Variants in KAT6B observed in about 807,000 individuals in gnomAD.
The protein encoded by KAT6B is histone acetyltransferase KAT6B.
A neutral mutation model predicts 187.5 loss-of-function variants in KAT6B; 10 were observed. That is an observed-to-expected ratio of 0.05 (90% CI 0.03 to 0.09). The LOEUF (loss-of-function observed/expected upper bound fraction) is 0.09, where lower values mean the gene tolerates loss of function less well. Ranked by LOEUF, KAT6B falls within the 10% of genes least tolerant of loss-of-function variation. The pLI, the probability that KAT6B is intolerant of heterozygous loss-of-function variation, is 1.00. For missense variants in KAT6B, 1,952 were observed against 2,558.9 expected, an observed-to-expected ratio of 0.76 and a Z score of 5.12; for synonymous variants, 861 against 926.8, an observed-to-expected ratio of 0.93 and a Z score of 1.29.
At chr10:74,917,323 T>C (rs903096916) in intron 3 of KAT6B, among the ~76,000 whole-genome samples, 1 of 152,228 alleles carries the variant, frequency 6.6e-6, no homozygotes, top group African/African-American at 2.4e-5. Flanking sequence ...TTCACTGGTA[T>C]AATACCATTA....
intron 3 of KAT6B, among the ~76,000 whole-genome samples, chr10:74,868,847 C>T (rs1843719682): frequency 6.6e-6 from 1 of 152,148 alleles, no homozygotes; most frequent in Non-Finnish European, 1.5e-5. Context: ...AGCAGCCTCC[C>T]AGGGATGTTC....
chr10:74,863,770 T>A (rs1262906749), intron 3 of KAT6B, among the ~76,000 whole-genome samples: 1 of 152,250 alleles, frequency 6.6e-6, no homozygotes, highest in African/African-American at 2.4e-5. Flanking sequence ...TCCTTATTCC[T>A]ATGCCCTGCA....
At chr10:74,939,050 A>AACAC (rs112617639) in intron 3 of KAT6B, among the ~76,000 whole-genome samples, 11,301 of 145,692 alleles carry the variant, frequency 0.078, 566 homozygotes, top group South Asian at 0.25. Flanking sequence ...TTATTTTCTT[A>AACAC]ACACACACAC....
chr10:74,890,431 G>T (rs551457429), intron 3 of KAT6B, among the ~76,000 whole-genome samples: 204 of 152,098 alleles, frequency 1.3e-3, no homozygotes, highest in Non-Finnish European at 2.4e-3. Flanking sequence ...TTGAGGCTAG[G>T]AGTTTGAGAC....
At position 74,942,857 on chromosome 10, in the gene KAT6B, G is replaced by A. The variant is rs188395952; in HGVS notation, c.622-17113G>A. 6.9e-4 allele frequency among the ~76,000 whole-genome samples: 90 copies of A among 130,370 alleles called. No individual in the cohort carries two copies. In the Middle Eastern group the frequency reaches 0.013, roughly 19 times the overall value. 85.5% of individuals were successfully genotyped at this position (130,370 alleles called of 152,430 possible). On this transcript the variant is annotated intron_variant, in intron 3 of 17. Coordinates refer to ENST00000287239, the MANE Select transcript of KAT6B (RefSeq NM_012330.4). ...ACTTTCTTCCTAAGGTCAGAAATAA[G>A]ACAAGAATATCCCCCTTTCATCATT...
chr10:74,929,186 A>T (rs1183814967), intron 3 of KAT6B, among the ~76,000 whole-genome samples: 2 of 152,172 alleles, frequency 1.3e-5, no homozygotes, highest in African/African-American at 4.8e-5. Context: ...ATTTGAAAGT[A>T]ACTATTTATC....
In KAT6B at chr10:75,030,515, A is replaced by G; in HGVS notation, c.5691A>G (p.Gln1897=). 2 of 1,611,226 alleles carry G rather than the reference A, an allele frequency of 1.2e-6. No homozygotes were observed. Among genetic ancestry groups the G allele is most frequent in the Non-Finnish European group, 8.5e-7 (1 of 1,177,742 alleles). Residue 1897 remains glutamine, a synonymous_variant, in exon 18 of 18, where the codon CAA becomes CAG. Coordinates refer to ENST00000287239, the MANE Select transcript of KAT6B (RefSeq NM_012330.4). This position sits in a 1 kb window ranked among gnomAD's most constrained non-coding sequence, Gnocchi z 4.8. ...TGAATCTGCCGCCGCCTCTTTTGCA[A>G]CGGAACATGGCTGCATCAAATATTG... ...PPMNLPPPLL[Q]RNMAASNIGI... is the part of the protein sequence containing the mutation.
Position 74,884,729 on chromosome 10 carries a change from C to T in KAT6B, c.621+41251C>T, listed in dbSNP as rs560076915. Among the ~76,000 whole-genome samples, 53 of 151,994 alleles carry T rather than the reference C, an allele frequency of 3.5e-4. No homozygotes were observed. The East Asian group carries it at 5.6e-3, about 16-fold the overall frequency. On this transcript the variant is annotated intron_variant, in intron 3 of 17. Transcript: ENST00000287239. Reference sequence around the variant, plus strand: ...GATTACAGGTGCGGGCCACCATGCCCGGCTGATTTTTTGTATTTTTAGTAG... The same window carrying T: ...GATTACAGGTGCGGGCCACCATGCCTGGCTGATTTTTTGTATTTTTAGTAG...
At chr10:74,839,646 G>T (rs537064794) in intron 2 of KAT6B, among the ~76,000 whole-genome samples, 1 of 152,310 alleles carries the variant, frequency 6.6e-6, no homozygotes, top group South Asian at 2.1e-4. Flanking sequence ...GTTGTATTTT[G>T]TGCAATCAAA....
In KAT6B at chr10:74,973,189, G is replaced by A. The variant is rs530361036; in HGVS notation, c.1061+550G>A. Among the ~76,000 whole-genome samples, 44 of 152,282 alleles carry A rather than the reference G, an allele frequency of 2.9e-4. 1 individual carries two copies. The South Asian group carries it at 8.9e-3, about 31-fold the overall frequency. On this transcript the variant is annotated intron_variant, in intron 7 of 17. Coordinates refer to ENST00000287239, the MANE Select transcript of KAT6B (RefSeq NM_012330.4). ...ACAGAACTATTTGACAACTGCACTA[G>A]TGCAGACATATATATAAAATAATAT...
At chr10:74,976,568 G>A (rs1269898276) in intron 8 of KAT6B, 12 of 569,388 alleles carry the variant, frequency 2.1e-5, no homozygotes, top group Admixed American at 5.9e-5. Context: ...ATTTCCATTC[G>A]TAGTGACACT....
chr10:74,853,921 G>A (rs554199402), intron 3 of KAT6B, among the ~76,000 whole-genome samples: 4 of 152,080 alleles, frequency 2.6e-5, no homozygotes, highest in Non-Finnish European at 2.9e-5. Context: ...GCCCCACCAC[G>A]CCCAGCCCAT....
intron 3 of KAT6B, among the ~76,000 whole-genome samples, chr10:74,917,019 T>G (rs1315025440): frequency 6.6e-6 from 1 of 152,086 alleles, no homozygotes; most frequent in African/African-American, 2.4e-5. Context: ...GTGGGAGGAT[T>G]GCTTGAGCCT....
At chr10:74,887,788 C>T (rs1048884750) in intron 3 of KAT6B, among the ~76,000 whole-genome samples, 8 of 151,980 alleles carry the variant, frequency 5.3e-5, no homozygotes, top group African/African-American at 1.7e-4. Flanking sequence ...AGGAGGATTG[C>T]TTGAGCCTAG....
intron 3 of KAT6B, among the ~76,000 whole-genome samples, chr10:74,890,361 G>A (rs532878156): frequency 6.6e-6 from 1 of 152,142 alleles, no homozygotes; most frequent in Non-Finnish European, 1.5e-5. Flanking sequence ...ACAGGAGGCC[G>A]GGTGTGGTGG....
chr10:74,866,042 G>T (rs1011353969), intron 3 of KAT6B, among the ~76,000 whole-genome samples: 1 of 152,114 alleles, frequency 6.6e-6, no homozygotes, highest in East Asian at 1.9e-4. Flanking sequence ...GGGTTCTTCA[G>T]GGCCAGCTGC....
chr10:74,976,051 C>T lies in KAT6B; in HGVS notation c.1714C>T (p.Arg572Cys), dbSNP rs766989154. 82 of 1,614,036 alleles carry T rather than the reference C, an allele frequency of 5.1e-5. No homozygotes were observed. Among genetic ancestry groups the T allele is most frequent in the Non-Finnish European group, 6.1e-5 (72 of 1,180,050 alleles). Residue 572 changes from arginine to cysteine, a missense_variant, in exon 8 of 18, where the codon CGT becomes TGT. Around this residue, in one of 9 missense-constraint regions of KAT6B, gnomAD observed 417 missense variants for 508.9 expected, o/e 0.82. Transcript: ENST00000287239. ...GAGTTATGCACCACCCAAACGTATG[C>T]GTCGTAAAACTGAATTATCTTCCAC... ...HPSYAPPKRM[R>C]RKTELSSTAK...
Position 75,025,449 on chromosome 10 carries a change from T to TGGAA in KAT6B, c.3664+200_3664+201insGGAA. On this transcript the variant is annotated intron_variant, in intron 17 of 17. Transcript: ENST00000287239. ...GGAATTGGATTTTATGTTAAACAAC[T>TGGAA]TCTAAGGCCAGAACATTCCTCTAGG... 5 of 570,076 alleles carry TGGAA rather than the reference T, an allele frequency of 8.8e-6. No individual in the cohort carries two copies. The South Asian group carries it at 1.0e-4, about 11-fold the overall frequency. The allele number at this position is 570,076 out of a possible 1,614,324, so 35.3% of individuals were successfully genotyped here. A position where few individuals can be genotyped will look rare whatever the true frequency, so the allele number is the denominator to read the frequency against.
chr10:74,925,600 T>C (rs1848441249), intron 3 of KAT6B, among the ~76,000 whole-genome samples: 1 of 152,236 alleles, frequency 6.6e-6, no homozygotes, highest in Non-Finnish European at 1.5e-5. Context: ...GTTGGATGAG[T>C]ATTTGTTGTG....
Sources: gnomAD v4.1 joint callset for allele counts (sites outside exome capture counted in the v4.1 genomes callset) on GRCh38, gnomAD v4.1.1 for gene constraint, gnomAD v4.1.1 regional missense constraint, Gnocchi (gnomAD v3.1) non-coding constraint, MANE v1.5 for transcripts, NCBI Gene and HGNC (gene_info 2026-07-23, HGNC 2026-07-21) for gene names.